The following CWC25 variants were observed in gnomAD, a reference collection of about 807,000 sequenced individuals.
The protein encoded by CWC25 is pre-mRNA-splicing factor CWC25 homolog.
Under a neutral mutation model 54.6 loss-of-function variants are expected in CWC25, and 31 were observed. That is an observed-to-expected ratio of 0.57 (90% confidence interval 0.43 to 0.77). CWC25 has a LOEUF of 0.77. CWC25 is among the 30% of genes least tolerant of loss of function. The probability of loss-of-function intolerance (pLI) is 0.00; values close to 1 mark genes in which losing one functional copy is unlikely to be tolerated. For synonymous variants in CWC25, 151 were observed against 187.0 expected (o/e 0.81, Z 1.57); for missense variants, 453 against 529.3 (o/e 0.86, Z 1.41).
At chr17:38,809,893 G>A in intron 5 of CWC25, 128 bp from the exon 6 acceptor site, 1 of 782,252 alleles carries the variant, frequency 1.3e-6, no homozygotes, top group Non-Finnish European at 2.0e-6. Flanking sequence ...TTACCTGGCA[G>A]TACGTTTCTC....
At position 38,802,778 on chromosome 17, in the gene CWC25, A is replaced by T; in HGVS notation, c.1085T>A (p.Ile362Asn). The T allele has an allele frequency of 6.2e-7, 1 of 1,613,914 alleles. No homozygotes were observed. The highest frequency in any genetic ancestry group is 8.5e-7 in the Non-Finnish European group (1 of 1,179,890). The change falls in exon 9 of 10, where the codon ATC becomes AAC. Residue 362 changes from isoleucine to asparagine, a missense_variant. Physicochemically the swap from Ile to Asn is moderately radical, Grantham distance 149. Coordinates refer to ENST00000614790, the MANE Select transcript of CWC25 (RefSeq NM_017748.5). ...CTCATCCTTAGCATGCCTCTTGAGGATGTTCAGTCTCTCCTCCTCCCTCCA... is the reference window on the plus strand; with the variant it reads ...CTCATCCTTAGCATGCCTCTTGAGGTTGTTCAGTCTCTCCTCCTCCCTCCA... ...AKWREEERLN[I>N]LKRHAKDEER...
chr17:38,823,568 T>G (rs1438862680), intron 1 of CWC25, among the ~76,000 whole-genome samples: 1 of 152,092 alleles, frequency 6.6e-6, no homozygotes, highest in African/African-American at 2.4e-5. Context: ...TGGAAAATGT[T>G]CGGTCAATGA....
chr17:38,812,818 T>G lies in CWC25; in HGVS notation c.475A>C (p.Lys159Gln). ...ACCAATTCTTTGATTTTCTTCATTTTCACTGGATTATTTAATACCTCTCGT... is the reference window on the plus strand; with the variant it reads ...ACCAATTCTTTGATTTTCTTCATTTGCACTGGATTATTTAATACCTCTCGT... Reference protein sequence around the residue: ...KKREVLNNPVKMKKIKELLQM... With the variant: ...KKREVLNNPVQMKKIKELLQM... The change falls in exon 4 of 10, where the codon AAA becomes CAA. Residue 159 changes from lysine (K) to glutamine (Q), a missense_variant. Lys to Gln is a moderately conservative substitution (Grantham distance 53). Around this residue, in one of 2 missense-constraint regions of CWC25, gnomAD observed 444 missense variants for 499.2 expected, o/e 0.89. Transcript: ENST00000614790. 1 of 1,525,508 alleles carries G rather than the reference T, an allele frequency of 6.6e-7. No homozygotes were observed. The highest frequency in any genetic ancestry group is 8.9e-7 in the Non-Finnish European group (1 of 1,123,120). The allele number at this position is 1,525,508 out of a possible 1,614,324, so 94.5% of individuals were successfully genotyped here. A position where few individuals can be genotyped will look rare whatever the true frequency, so the allele number is the denominator to read the frequency against.
intron 1 of CWC25, among the ~76,000 whole-genome samples, chr17:38,823,201 G>A (rs1217598306): frequency 1.6e-5 from 2 of 123,564 alleles, no homozygotes; most frequent in East Asian, 2.4e-4. Context: ...GCTCTGTCAC[G>A]CAGGCTAGAG....
chr17:38,823,120 G>A (rs543500132), intron 1 of CWC25, among the ~76,000 whole-genome samples: 14 of 150,292 alleles, frequency 9.3e-5, no homozygotes, highest in Admixed American at 7.3e-4. Flanking sequence ...TTACAGGTGT[G>A]AGCCACCACA....
chr17:38,814,628 C>T (rs1330002956), intron 3 of CWC25, among the ~76,000 whole-genome samples: 1 of 150,856 alleles, frequency 6.6e-6, no homozygotes, highest in Non-Finnish European at 1.5e-5. Flanking sequence ...TGCCTGTAAT[C>T]CCAGCTACTC....
In CWC25 at chr17:38,802,691, T is replaced by A. The variant is rs1911078065; in HGVS notation, c.1163+9A>T. 1.2e-6 allele frequency: 2 copies of A among 1,613,792 alleles called. No homozygotes were observed. The highest frequency in any genetic ancestry group is 1.7e-6 in the Non-Finnish European group (2 of 1,179,824). The stretch of plus-strand genomic sequence containing the variant: ...ATGAAAGACCCTGGCAGGAAGAAGA[T>A]GCACTCACTGGATGAACTTCCCATC... On this transcript the variant is annotated intron_variant, in intron 9 of 9. Coordinates refer to ENST00000614790, the MANE Select transcript of CWC25 (RefSeq NM_017748.5).
intron 2 of CWC25, among the ~76,000 whole-genome samples, chr17:38,816,551 C>G (rs1403137433): frequency 6.6e-6 from 1 of 152,004 alleles, no homozygotes; most frequent in South Asian, 2.1e-4. Context: ...CATGCCCAAC[C>G]TGAATATGAC....
chr17:38,819,413 C>T (rs549686784), intron 2 of CWC25, among the ~76,000 whole-genome samples: 41 of 150,716 alleles, frequency 2.7e-4, no homozygotes, highest in Middle Eastern at 3.4e-3. Flanking sequence ...TGTCGCCAGG[C>T]TGGAGTACAC....
chr17:38,820,168 C>G (rs908285551), intron 2 of CWC25, among the ~76,000 whole-genome samples: 1 of 152,162 alleles, frequency 6.6e-6, no homozygotes, highest in Non-Finnish European at 1.5e-5. Flanking sequence ...CTCCTGGGCT[C>G]AAGTGATTTC....
At position 38,821,087 on chromosome 17, in the gene CWC25, AAAG is replaced by A. The variant is rs746999819; in HGVS notation, c.19-17_19-15del. The A allele has an allele frequency of 6.2e-7, 1 of 1,607,648 alleles. No homozygotes were observed. Among genetic ancestry groups the A allele is most frequent in the Non-Finnish European group, 8.5e-7 (1 of 1,177,798 alleles). On this transcript the variant is annotated splice_polypyrimidine_tract_variant and intron_variant, in intron 1 of 9. Coordinates refer to ENST00000614790, the MANE Select transcript of CWC25 (RefSeq NM_017748.5). ...CTTCTTCAGATTCTGTGGTAAATAA[AAAG>A]AAGGTGATGATAATTCGGGGGGTGA...
Position 38,810,523 on chromosome 17 carries a change from G to A in CWC25, c.571C>T (p.His191Tyr). The A allele has an allele frequency of 6.2e-7, 1 of 1,605,766 alleles. No individual in the cohort carries two copies. Among genetic ancestry groups the A allele is most frequent in the Non-Finnish European group, 8.5e-7 (1 of 1,176,114 alleles). Residue 191 changes from histidine (H) to tyrosine (Y), a missense_variant, in exon 5 of 10, where the codon CAC becomes TAC. By Grantham distance (83) the His-to-Tyr change is moderately conservative. Around this residue, in one of 2 missense-constraint regions of CWC25, gnomAD observed 444 missense variants for 499.2 expected, o/e 0.89. Coordinates refer to ENST00000614790, the MANE Select transcript of CWC25 (RefSeq NM_017748.5). ...EKKKKHKKHK[H>Y]RSSSSDRSSS... ...GAACGATCACTACTCGAGCTTCTGTGCTTATGTTTCTTGTGCTTCTTTTTC... is the reference window on the plus strand; with the variant it reads ...GAACGATCACTACTCGAGCTTCTGTACTTATGTTTCTTGTGCTTCTTTTTC...
intron 4 of CWC25, among the ~76,000 whole-genome samples, chr17:38,811,332 G>A (rs567021108): frequency 6.6e-6 from 1 of 151,646 alleles, no homozygotes; most frequent in East Asian, 1.9e-4. Flanking sequence ...AGGAGAAGGA[G>A]ACCATCCTGG....
At chr17:38,821,106 C>T (rs1044912737) in intron 1 of CWC25, 33 bp from the exon 2 acceptor site, 23 of 1,595,128 alleles carry the variant, frequency 1.4e-5, no homozygotes, top group South Asian at 2.3e-5. Context: ...GATGATAATT[C>T]GGGGGGTGAC....
chr17:38,814,957 G>C lies in CWC25; in HGVS notation c.332C>G (p.Thr111Arg), dbSNP rs1911639829. 6 of 1,613,674 alleles carry C rather than the reference G, an allele frequency of 3.7e-6. No homozygotes were observed. The highest frequency in any genetic ancestry group is 5.1e-6 in the Non-Finnish European group (6 of 1,179,884). ...AAAGATAGAGCCTGGGAGAAGTCCT[G>C]TTTCAGAAGAGCAGCCTGCCTCCTT... is the stretch of plus-strand genomic sequence containing the variant. ...EEKEAGCSSE[T>R]GLLPGSIFAP... Residue 111 changes from threonine to arginine, a missense_variant, in exon 3 of 10, where the codon ACA becomes AGA. Physicochemically the swap from Thr to Arg is moderately conservative, Grantham distance 71 (BLOSUM62 -1). Coordinates refer to ENST00000614790, the MANE Select transcript of CWC25 (RefSeq NM_017748.5).
At chr17:38,807,371 A>G (rs1297957417) in intron 6 of CWC25, among the ~76,000 whole-genome samples, 2 of 139,258 alleles carry the variant, frequency 1.4e-5, no homozygotes, top group Non-Finnish European at 3.2e-5. Flanking sequence ...GAAATGTTAC[A>G]TAAGGAGCTC....
chr17:38,819,921 C>G (rs906783622), intron 2 of CWC25, among the ~76,000 whole-genome samples: 15 of 152,188 alleles, frequency 9.9e-5, no homozygotes, highest in African/African-American at 2.9e-4. Context: ...ATCTGCCCGC[C>G]TCGGCCTTCC....
chr17:38,806,810 G>C lies in CWC25; in HGVS notation c.857C>G (p.Ser286Cys). ...CCGTGACCTTCTGCCCAGGGATCGA[G>C]ACCTCCTGTCCCGGGACCCTGCTTC... ...TREAGSRDRR[S>C]RSLGRRSRSP... Residue 286 changes from serine to cysteine, a missense_variant, in exon 7 of 10, where the codon TCT (serine) becomes TGT (cysteine). Transcript: ENST00000614790. 3 of 1,611,260 alleles carry C rather than the reference G, an allele frequency of 1.9e-6. No homozygotes were observed. The highest frequency in any genetic ancestry group is 2.5e-6 in the Non-Finnish European group (3 of 1,179,066).
chr17:38,813,653 C>G (rs1462749533), intron 3 of CWC25, among the ~76,000 whole-genome samples: 1 of 151,652 alleles, frequency 6.6e-6, no homozygotes, highest in African/African-American at 2.4e-5. Context: ...AAGTGATACT[C>G]CCACATCAGC....
Sources: allele counts gnomAD v4.1 joint callset (sites outside exome capture counted in the v4.1 genomes callset), GRCh38; gene constraint gnomAD v4.1.1; regional missense constraint gnomAD v4.1.1; transcripts MANE v1.5; gene names NCBI Gene and HGNC (gene_info 2026-07-23, HGNC 2026-07-21).